Variants in PTPRG observed in about 807,000 individuals in gnomAD.
The protein encoded by PTPRG is protein tyrosine phosphatase receptor type G, also known as receptor-type tyrosine-protein phosphatase gamma.
Under a neutral mutation model 165.3 loss-of-function variants are expected in PTPRG, and 102 were observed. The ratio of observed to expected loss-of-function variants is 0.62; its 90% CI spans 0.53 to 0.73. The LOEUF (loss-of-function observed/expected upper bound fraction) is 0.73, where lower values mean the gene tolerates loss of function less well. Among genes scored for constraint, PTPRG ranks in the 30% least tolerant of loss-of-function variants. The pLI is 0.00. For synonymous variants in PTPRG, 675 were observed against 669.5 expected (o/e 1.01, Z -0.13); for missense variants, 1,866 against 1,861.4 (o/e 1.00, Z -0.05).
At chr3:61,862,587 G>A (rs1178135118) in intron 2 of PTPRG, among the ~76,000 whole-genome samples, 1 of 152,126 alleles carries the variant, frequency 6.6e-6, no homozygotes, top group East Asian at 1.9e-4. Flanking sequence ...TAGAGACGGG[G>A]TTTCTCCATG....
In PTPRG at chr3:62,155,631, A is replaced by G. The variant is rs188625445; in HGVS notation, c.683-1436A>G. Among the ~76,000 whole-genome samples, 14 of 152,358 alleles carry G rather than the reference A, an allele frequency of 9.2e-5. No individual in the cohort carries two copies. The East Asian group carries it at 2.7e-3, about 29-fold the overall frequency. On this transcript the variant is annotated intron_variant, in intron 6 of 29. Transcript: ENST00000474889. ...GTGCCTGGCATATAGGCGAAGCTAA[A>G]TCAATGTTAAGTCTTCTTCAACTAA...
At chr3:62,156,946 G>A (rs1704558831) in intron 6 of PTPRG, 121 bp from the exon 7 acceptor site, 2 of 894,144 alleles carry the variant, frequency 2.2e-6, no homozygotes, top group African/African-American at 3.3e-5. Context: ...TGCTTCTCAG[G>A]ATATAAACAA....
intron 5 of PTPRG, among the ~76,000 whole-genome samples, chr3:62,084,068 C>A (rs1701666475): frequency 6.6e-6 from 1 of 151,792 alleles, no homozygotes; most frequent in South Asian, 2.1e-4. Context: ...TCTTCAAGAG[C>A]ATCTACATTA....
At chr3:62,102,072 C>T (rs1304003962) in intron 5 of PTPRG, among the ~76,000 whole-genome samples, 3 of 152,042 alleles carry the variant, frequency 2.0e-5, no homozygotes, top group African/African-American at 4.8e-5. Flanking sequence ...CTATTGTTAC[C>T]GTATTCCTTA....
chr3:62,188,493 G>A (rs1486047828), intron 8 of PTPRG, among the ~76,000 whole-genome samples: 2 of 152,206 alleles, frequency 1.3e-5, no homozygotes, highest in Non-Finnish European at 2.9e-5. Context: ...GTCCCAGAAT[G>A]TTCACAATCG....
chr3:62,138,413 G>A (rs1261835007), intron 6 of PTPRG, among the ~76,000 whole-genome samples: 1 of 152,070 alleles, frequency 6.6e-6, no homozygotes, highest in African/African-American at 2.4e-5. Flanking sequence ...TTACCTAACT[G>A]GTCCATGTTA....
At chr3:62,196,292 A>G (rs1414389635) in intron 10 of PTPRG, among the ~76,000 whole-genome samples, 1 of 151,916 alleles carries the variant, frequency 6.6e-6, no homozygotes, top group Non-Finnish European at 1.5e-5. Context: ...ACTCCCAGCT[A>G]CTTGGGAGAC....
chr3:61,582,214 C>T (rs13065105), intron 1 of PTPRG, among the ~76,000 whole-genome samples: 11,373 of 152,178 alleles, frequency 0.075, 566 homozygotes, highest in Middle Eastern at 0.15. Context: ...GTGATCCACT[C>T]GCCTTGGCCT....
intron 2 of PTPRG, among the ~76,000 whole-genome samples, chr3:61,867,555 G>A (rs536833686): frequency 2.6e-4 from 39 of 152,190 alleles, no homozygotes; most frequent in African/African-American, 7.7e-4. Flanking sequence ...AAATAGGGGA[G>A]TTGAGGGCCC....
chr3:61,901,654 A>G (rs2038501819), intron 2 of PTPRG, among the ~76,000 whole-genome samples: 1 of 152,176 alleles, frequency 6.6e-6, no homozygotes, highest in South Asian at 2.1e-4. Flanking sequence ...AAGCGTTAAT[A>G]GCATCCCAGA....
chr3:61,816,352 A>G (rs1439862789), intron 2 of PTPRG, among the ~76,000 whole-genome samples: 1 of 152,170 alleles, frequency 6.6e-6, no homozygotes, highest in Non-Finnish European at 1.5e-5. Flanking sequence ...CAACATGGCG[A>G]AACTCCATCT....
chr3:62,007,512 C>G (rs2041325637), intron 4 of PTPRG, among the ~76,000 whole-genome samples: 1 of 152,190 alleles, frequency 6.6e-6, no homozygotes, highest in East Asian at 1.9e-4. Context: ...TCCTCAGATG[C>G]CCTCACCTCC....
intron 2 of PTPRG, among the ~76,000 whole-genome samples, chr3:61,953,059 A>G (rs1031057713): frequency 1.3e-5 from 2 of 151,576 alleles, no homozygotes; most frequent in Non-Finnish European, 2.9e-5. Flanking sequence ...ACTTTTCTTA[A>G]TTTCTCGCCC....
intron 2 of PTPRG, among the ~76,000 whole-genome samples, chr3:61,809,136 G>T (rs998401966): frequency 3.3e-5 from 5 of 150,602 alleles, no homozygotes; most frequent in Non-Finnish European, 7.4e-5. Flanking sequence ...TGAAGGCCCA[G>T]TAACTGTTGT....
intron 1 of PTPRG, among the ~76,000 whole-genome samples, chr3:61,706,558 A>G (rs1422992797): frequency 2.0e-5 from 3 of 151,482 alleles, no homozygotes; most frequent in South Asian, 2.1e-4. Context: ...CAATGGCACA[A>G]TCTTGGCTCA....
chr3:61,663,564 G>C (rs1490861488), intron 1 of PTPRG, among the ~76,000 whole-genome samples: 1 of 151,864 alleles, frequency 6.6e-6, no homozygotes, highest in Non-Finnish European at 1.5e-5. Context: ...GGGGTTGGGG[G>C]GATGGTTTTG....
Position 61,635,608 on chromosome 3 carries a change from A to C in PTPRG, c.85+73236A>C, listed in dbSNP as rs372496245. On this transcript the variant is annotated intron_variant, in intron 1 of 29. Coordinates refer to ENST00000474889, the MANE Select transcript of PTPRG (RefSeq NM_002841.4). ...CTTGAGCTCAAGCTTTGGCCTCCCA[A>C]AGTGCTGGGATTACACATGTGAGCC... Among the ~76,000 whole-genome samples the C allele has an allele frequency of 2.6e-5, 4 of 152,058 alleles. No homozygotes were observed. In the East Asian group the frequency reaches 5.8e-4, roughly 22 times the overall value.
chr3:61,922,996 C>T (rs1310321014), intron 2 of PTPRG, among the ~76,000 whole-genome samples: 1 of 152,200 alleles, frequency 6.6e-6, no homozygotes, highest in Non-Finnish European at 1.5e-5. Flanking sequence ...TTATGCCCCA[C>T]TACGCCTTGA....
At chr3:61,748,197 C>T (rs1292743573) in intron 1 of PTPRG, among the ~76,000 whole-genome samples, 1 of 152,088 alleles carries the variant, frequency 6.6e-6, no homozygotes, top group African/African-American at 2.4e-5. Context: ...TGTTAGTGGC[C>T]CAAAGGATGT....
Sources: allele counts gnomAD v4.1 joint callset (sites outside exome capture counted in the v4.1 genomes callset), GRCh38; gene constraint gnomAD v4.1.1; transcripts MANE v1.5; gene names NCBI Gene and HGNC (gene_info 2026-07-23, HGNC 2026-07-21).